The following ALS2CL variants were observed in gnomAD, a reference collection of about 807,000 sequenced individuals.
ALS2CL encodes ALS2 C-terminal-like protein.
ALS2CL carries 112 observed loss-of-function variants against 127.9 expected under a neutral mutation model. The observed-to-expected ratio is 0.88, with a 90% CI of 0.75 to 1.02. The LOEUF (loss-of-function observed/expected upper bound fraction) is 1.02. Ranked by LOEUF, ALS2CL falls within the 50% of genes least tolerant of loss-of-function variation. The pLI, the probability that ALS2CL is intolerant of heterozygous loss-of-function variation, is 0.00. For synonymous variants in ALS2CL, 519 were observed against 527.6 expected, an observed-to-expected ratio of 0.98 and a Z score of 0.22; for missense variants, 1,174 against 1,236.7, an observed-to-expected ratio of 0.95 and a Z score of 0.76.
At chr3:46,675,888 G>C in intron 19 of ALS2CL, 6 of 1,437,920 alleles carry the variant, frequency 4.2e-6, no homozygotes, top group Non-Finnish European at 5.4e-6. Flanking sequence ...AGGAACTATA[G>C]CATCTAAGGC....
At chr3:46,675,916 C>G in intron 19 of ALS2CL, 1 of 1,430,264 alleles carries the variant, frequency 7.0e-7, no homozygotes. Flanking sequence ...TGCAGTGTTT[C>G]ATGGGGTCAC....
chr3:46,675,923 T>A, intron 19 of ALS2CL: 1 of 1,428,334 alleles, frequency 7.0e-7, no homozygotes, highest in African/African-American at 1.4e-5. Context: ...TTTCATGGGG[T>A]CACAGCCCAG....
chr3:46,689,499 A>T (rs1002689702), intron 1 of ALS2CL, 34 bp from the exon 2 acceptor site: 2 of 1,426,008 alleles, frequency 1.4e-6, no homozygotes, highest in African/African-American at 2.8e-5. Context: ...TAGATAGCAC[A>T]GACAGGAGCA....
In ALS2CL at chr3:46,682,070, C is replaced by T. The variant is rs1339872831; in HGVS notation, c.1134G>A (p.Gly378=). The T allele has an allele frequency of 4.3e-6, 7 of 1,613,922 alleles. No homozygotes were observed. The highest frequency in any genetic ancestry group is 3.3e-5 in the Admixed American group (2 of 59,974). ...GGCAGAAATTCCCCACGTGATTCCG[C>T]CCATCCGGCCATTTCAGGGTTCCCC... ...HGKGTLKWPD[G]RNHVGNFCQG... is the part of the protein sequence containing the mutation. Residue 378 remains glycine, a synonymous_variant, in exon 11 of 26, where the codon GGG becomes GGA. Transcript: ENST00000318962.
rs1388597136 is a variant in ALS2CL at position 46,669,348 on chromosome 3, G to A, written c.*1636C>T. ...CTCCAGTTCCACTGGTGTTGGGTGA[G>A]GCCTAGTGAGAGGGTGGGCAGAGGG... is the stretch of plus-strand genomic sequence containing the variant. On this transcript the variant is annotated 3_prime_UTR_variant, in exon 26 of 26. Transcript: ENST00000318962. 6.6e-6 allele frequency: 1 copy of A among 152,270 alleles called. No homozygotes were observed. Among genetic ancestry groups the A allele is most frequent in the African/African-American group, 2.4e-5 (1 of 41,464 alleles). 9.4% of individuals were successfully genotyped at this position (152,270 alleles called of 1,614,324 possible). A position where few individuals can be genotyped will look rare whatever the true frequency, so the allele number is the denominator to read the frequency against.
At chr3:46,691,885 T>G (rs1235569572) in intron 1 of ALS2CL, among the ~76,000 whole-genome samples, 1 of 152,062 alleles carries the variant, frequency 6.6e-6, no homozygotes, top group Non-Finnish European at 1.5e-5. Flanking sequence ...TTCAAACTAC[T>G]TAAGTCTCCC....
Position 46,671,571 on chromosome 3 carries a change from C to T in ALS2CL, c.2698G>A (p.Gly900Arg). Residue 900 changes from glycine to arginine, a missense_variant, in exon 25 of 26, where the codon GGA becomes AGA. Gly to Arg is a moderately radical substitution (Grantham distance 125). Coordinates refer to ENST00000318962, the MANE Select transcript of ALS2CL (RefSeq NM_147129.5). The stretch of plus-strand genomic sequence containing the variant: ...TCACGGATCAGGTGGATCTCGGCTC[C>T]CAGGTGCTGAATTCTGGAGAACACC... ...VVSRARIQHL[G>R]AEIHLIRDMM... The T allele has an allele frequency of 6.2e-7, 1 of 1,613,756 alleles. No homozygotes were observed. Among genetic ancestry groups the T allele is most frequent in the Non-Finnish European group, 8.5e-7 (1 of 1,179,916 alleles).
At position 46,681,483 on chromosome 3, in the gene ALS2CL, C is replaced by G. The variant is rs201497640; in HGVS notation, c.1274+17G>C. 4.3e-6 allele frequency: 7 copies of G among 1,614,064 alleles called. No individual in the cohort carries two copies. The Admixed American group carries it at 8.3e-5, about 19-fold the overall frequency. ...GGATGGGCCCAGCCCATGAACCCCC[C>G]AGCCAGGGTCACTTACTCACAGATG... On this transcript the variant is annotated intron_variant, in intron 12 of 25. Coordinates refer to ENST00000318962, the MANE Select transcript of ALS2CL (RefSeq NM_147129.5). The surrounding 1 kb of genome is among the most constrained non-coding windows in gnomAD (Gnocchi z 4.9).
chr3:46,676,997 C>A lies in ALS2CL; in HGVS notation c.1783G>T (p.Val595Leu). The A allele has an allele frequency of 5.0e-6, 8 of 1,609,806 alleles. No homozygotes were observed. Among genetic ancestry groups the A allele is most frequent in the Non-Finnish European group, 6.8e-6 (8 of 1,177,950 alleles). ...TAGACTCCCTGCCAGCGGCTTTCCA[C>A]GGGGAAGGCACCCACGCCCAGCTGC... ...KRQLGVGAFP[V>L]ESRWQGVYSP... The change falls in exon 17 of 26, where the codon GTG (valine) becomes TTG (leucine). Residue 595 changes from valine (V) to leucine (L), a missense_variant. Val to Leu is a conservative substitution (Grantham distance 32). Transcript: ENST00000318962.
chr3:46,689,232 T>C (rs1700001313), intron 2 of ALS2CL, 106 bp downstream of exon 2: 4 of 1,179,078 alleles, frequency 3.4e-6, no homozygotes, highest in Non-Finnish European at 4.9e-6. Flanking sequence ...CCACTCCTAT[T>C]TGAGGTTGAG....
Position 46,682,242 on chromosome 3 carries a change from C to T in ALS2CL, c.1110-148G>A, listed in dbSNP as rs1575433482. The T allele has an allele frequency of 3.5e-6, 3 of 856,938 alleles. No homozygotes were observed. In the East Asian group the frequency reaches 8.0e-5, roughly 23 times the overall value. 53.1% of individuals were successfully genotyped at this position (856,938 alleles called of 1,614,324 possible). A position where few individuals can be genotyped will look rare whatever the true frequency, so the allele number is the denominator to read the frequency against. On this transcript the variant is annotated intron_variant, in intron 10 of 25. Coordinates refer to ENST00000318962, the MANE Select transcript of ALS2CL (RefSeq NM_147129.5). ...CCCTCTTGTCTGAGCTCCGAACATT[C>T]CTTGCAGAAAGCCCCTTTAGCCCTT...
Position 46,675,710 on chromosome 3 carries a change from G to T in ALS2CL, c.2187-24C>A, listed in dbSNP as rs114208841. 2,522 of 1,612,780 alleles carry T rather than the reference G, an allele frequency of 1.6e-3. 43 individuals carry two copies. In the African/African-American group the frequency reaches 0.029, roughly 19 times the overall value. On this transcript the variant is annotated intron_variant, in intron 19 of 25. Transcript: ENST00000318962. ...CCCTGTGAGTCAATGAGAGAGAAATGGTGTGGCTGCCCCTTGCCACAGAAC... is the reference window on the plus strand; with the variant it reads ...CCCTGTGAGTCAATGAGAGAGAAATTGTGTGGCTGCCCCTTGCCACAGAAC...
At chr3:46,678,770 G>C (rs62246183) in intron 15 of ALS2CL, among the ~76,000 whole-genome samples, 43,342 of 152,138 alleles carry the variant, frequency 0.28, 6,446 homozygotes, top group African/African-American at 0.36. Context: ...ATAGCAACCT[G>C]ATCTCCACCC....
chr3:46,685,607 T>C lies in ALS2CL; in HGVS notation c.704A>G (p.Asp235Gly), dbSNP rs1452741129. The C allele has an allele frequency of 1.9e-6, 3 of 1,613,788 alleles. No homozygotes were observed. Among genetic ancestry groups the C allele is most frequent in the Non-Finnish European group, 2.5e-6 (3 of 1,179,930 alleles). Residue 235 changes from aspartate (D) to glycine (G), a missense_variant, in exon 7 of 26, where the codon GAC (aspartate) becomes GGC (glycine). Asp to Gly is a moderately conservative substitution (Grantham distance 94, BLOSUM62 -1). Coordinates refer to ENST00000318962, the MANE Select transcript of ALS2CL (RefSeq NM_147129.5). ...LCTPAHRLLQ[D>G]SQDVPVTVAP... ...GACCGTCACGGGTACGTCCTGGCTG[T>C]CCTGAAGGAGTCTGTGAGCAGGGGT...
At position 46,680,355 on chromosome 3, in the gene ALS2CL, C is replaced by T; in HGVS notation, c.1548+75G>A. 6.9e-6 allele frequency: 10 copies of T among 1,459,814 alleles called. No homozygotes were observed. The South Asian group carries it at 1.1e-4, about 16-fold the overall frequency. 90.4% of individuals were successfully genotyped at this position (1,459,814 alleles called of 1,614,324 possible). A position where few individuals can be genotyped will look rare whatever the true frequency, so the allele number is the denominator to read the frequency against. ...CCCTTTCCCATCCCTCCCTGAAAGGCCTCAGCTCAGCCTCAGTGCCCCCAG... is the reference window on the plus strand; with the variant it reads ...CCCTTTCCCATCCCTCCCTGAAAGGTCTCAGCTCAGCCTCAGTGCCCCCAG... On this transcript the variant is annotated intron_variant, in intron 14 of 25. Coordinates refer to ENST00000318962, the MANE Select transcript of ALS2CL (RefSeq NM_147129.5).
Position 46,687,102 on chromosome 3 carries a change from C to T in ALS2CL, c.415G>A (p.Gly139Ser), listed in dbSNP as rs1699847874. The T allele has an allele frequency of 1.3e-6, 2 of 1,580,256 alleles. No homozygotes were observed. Among genetic ancestry groups the T allele is most frequent in the African/African-American group, 1.3e-5 (1 of 74,556 alleles). Residue 139 changes from glycine (G) to serine (S), a missense_variant, in exon 5 of 26, where the codon GGT becomes AGT. Gly to Ser is a moderately conservative substitution (Grantham distance 56). Transcript: ENST00000318962. Reference sequence around the variant, plus strand: ...CCCACCGAGCCCTCTGAGCTCACACCTGAAAGCAGCTGCCGCAGCGCCTTC... The same window carrying T: ...CCCACCGAGCCCTCTGAGCTCACACTTGAAAGCAGCTGCCGCAGCGCCTTC... ...QRKALRQLLS[G>S]VSSEGSVGAS...
intron 1 of ALS2CL, among the ~76,000 whole-genome samples, chr3:46,691,023 G>A (rs1016560559): frequency 6.6e-6 from 1 of 152,204 alleles, no homozygotes; most frequent in South Asian, 2.1e-4. Context: ...GGCAGGAAGG[G>A]GAAGCCACCA....
rs1397050335 is a variant in ALS2CL, at chr3:46,669,160, A to G, written c.*1824T>C. The G allele has an allele frequency of 6.6e-6, 1 of 152,106 alleles. No homozygotes were observed. Among genetic ancestry groups the G allele is most frequent in the African/African-American group, 2.4e-5 (1 of 41,400 alleles). The allele number at this position is 152,106 out of a possible 1,614,324, so 9.4% of individuals were successfully genotyped here. On this transcript the variant is annotated 3_prime_UTR_variant, in exon 26 of 26. Transcript: ENST00000318962. ...ATCTTCCCACCTCAGCCTCCCGAGT[A>G]GCTGGGACCACAGGCACACACCAAC...
At chr3:46,678,415 ATGT>A in intron 15 of ALS2CL, 26 bp from the exon 16 acceptor site, 1 of 1,602,360 alleles carries the variant, frequency 6.2e-7, no homozygotes, top group Non-Finnish European at 8.5e-7. Flanking sequence ...AGGAGCAGGG[ATGT>A]CTGTCTGCCC....
Sources: allele counts gnomAD v4.1 joint callset (sites outside exome capture counted in the v4.1 genomes callset), GRCh38; gene constraint gnomAD v4.1.1; non-coding constraint Gnocchi (gnomAD v3.1); transcripts MANE v1.5; gene names NCBI Gene and HGNC (gene_info 2026-07-23, HGNC 2026-07-21).